The following NTM variants were observed in gnomAD, a reference collection of about 807,000 sequenced individuals.
NTM encodes IgLON family member 2.
A neutral mutation model predicts 42.1 loss-of-function variants in NTM; 13 were observed. That is an observed-to-expected ratio of 0.31 (90% confidence interval 0.20 to 0.49). The LOEUF is 0.49. Among genes scored for constraint, NTM ranks in the 20% least tolerant of loss-of-function variants. The probability of loss-of-function intolerance (pLI) is 0.99; values close to 1 mark genes in which losing one functional copy is unlikely to be tolerated. For synonymous variants in NTM, 187 were observed against 179.2 expected (o/e 1.04, Z -0.35); for missense variants, 373 against 452.8 (o/e 0.82, Z 1.60).
At chr11:131,660,189 G>GGACTCGC (rs1565387467) in intron 1 of NTM, 6 of 251,524 alleles carry the variant, frequency 2.4e-5, no homozygotes, top group African/African-American at 1.3e-4. Flanking sequence ...GTAGGACTCG[G>GGACTCGC]GTGGGCCAGT....
At chr11:131,547,734 A>C (rs1592011409) in intron 1 of NTM, among the ~76,000 whole-genome samples, 2 of 152,238 alleles carry the variant, frequency 1.3e-5, no homozygotes, top group South Asian at 2.1e-4. Context: ...TATACTATAC[A>C]CCCTCTCAAA....
At chr11:131,674,274 TA>T (rs1473511147) in intron 1 of NTM, among the ~76,000 whole-genome samples, 4 of 152,226 alleles carry the variant, frequency 2.6e-5, no homozygotes, top group Non-Finnish European at 5.9e-5. Context: ...ATGCAGTTCA[TA>T]AAAAGTCTTC....
intron 3 of NTM, among the ~76,000 whole-genome samples, chr11:132,155,426 A>G (rs185155371): frequency 1.3e-5 from 2 of 152,206 alleles, no homozygotes; most frequent in East Asian, 3.9e-4. Flanking sequence ...CTTTCTATGG[A>G]TGCAATCCTC....
intron 1 of NTM, among the ~76,000 whole-genome samples, chr11:131,513,112 C>G (rs530503956): frequency 6.6e-6 from 1 of 152,222 alleles, no homozygotes; most frequent in Admixed American, 6.5e-5. Flanking sequence ...CATGGCTCCC[C>G]GTCCCTGAGC....
rs151022889 is a variant in NTM at position 132,212,614 on chromosome 11, T to C, written c.526+467T>C. Among the ~76,000 whole-genome samples, 1,299 of 152,322 alleles carry C rather than the reference T, an allele frequency of 8.5e-3. 21 individuals are homozygous for C. Among genetic ancestry groups the C allele is most frequent in the African/African-American group, 0.03 (1,246 of 41,572 alleles). On this transcript the variant is annotated intron_variant, in intron 4 of 8. Coordinates refer to ENST00000683400, the MANE Select transcript of NTM (RefSeq NM_001352005.2). ...GTCACGAGCTGTTTTTGTGGTTTTGTTGTTGTTTTACTCCGATTGATCCTA... is the reference window on the plus strand; with the variant it reads ...GTCACGAGCTGTTTTTGTGGTTTTGCTGTTGTTTTACTCCGATTGATCCTA...
At chr11:131,443,481 A>T (rs966103601) in intron 1 of NTM, among the ~76,000 whole-genome samples, 29 of 152,176 alleles carry the variant, frequency 1.9e-4, no homozygotes, top group African/African-American at 6.8e-4. Context: ...CTGTCCTGCA[A>T]GTAGTGAGTA....
chr11:132,188,116 T>G (rs2078721275), intron 3 of NTM, among the ~76,000 whole-genome samples: 1 of 151,950 alleles, frequency 6.6e-6, no homozygotes, highest in Non-Finnish European at 1.5e-5. Context: ...GTGTGTGTGT[T>G]TGTGTGTCAG....
intron 4 of NTM, among the ~76,000 whole-genome samples, chr11:132,253,838 T>G (rs1418931969): frequency 1.3e-5 from 2 of 152,172 alleles, no homozygotes; most frequent in African/African-American, 4.8e-5. Flanking sequence ...TGCCCTCAGC[T>G]CGGCCCCTCT....
chr11:131,614,584 T>A (rs2061743606), intron 1 of NTM, among the ~76,000 whole-genome samples: 1 of 152,216 alleles, frequency 6.6e-6, no homozygotes, highest in African/African-American at 2.4e-5. Flanking sequence ...AGGCCAGAGC[T>A]AGTCTGCAGC....
chr11:132,099,288 A>G (rs2061373006), intron 2 of NTM, among the ~76,000 whole-genome samples: 1 of 152,204 alleles, frequency 6.6e-6, no homozygotes, highest in Non-Finnish European at 1.5e-5. Flanking sequence ...AGACTCATAC[A>G]TTATTCCATT....
intron 4 of NTM, among the ~76,000 whole-genome samples, chr11:132,297,799 C>T (rs59283151): frequency 0.019 from 2,865 of 152,210 alleles, 144 homozygotes; most frequent in East Asian, 0.15. Context: ...GGTACCAAGC[C>T]GTGTGTGTCC....
chr11:131,603,091 T>C (rs1241189803), intron 1 of NTM, among the ~76,000 whole-genome samples: 1 of 152,190 alleles, frequency 6.6e-6, no homozygotes, highest in East Asian at 1.9e-4. Context: ...ACTCCTTTGC[T>C]CGATCCTTTT....
intron 1 of NTM, among the ~76,000 whole-genome samples, chr11:131,734,894 C>T (rs1040676018): frequency 2.6e-5 from 4 of 152,088 alleles, no homozygotes; most frequent in African/African-American, 9.7e-5. Context: ...ATTAAAATAA[C>T]ACCAAGAACA....
At chr11:131,986,613 A>G (rs568286787) in intron 2 of NTM, among the ~76,000 whole-genome samples, 5 of 152,284 alleles carry the variant, frequency 3.3e-5, no homozygotes, top group African/African-American at 9.6e-5. Flanking sequence ...TTCTGTCCAG[A>G]ACTTTCTATC....
intron 2 of NTM, among the ~76,000 whole-genome samples, chr11:132,047,208 A>G: frequency 6.6e-6 from 1 of 152,378 alleles, no homozygotes; most frequent in East Asian, 1.9e-4. Flanking sequence ...AAGAATGAGC[A>G]GGATTCTGAC....
At chr11:132,271,686 A>T (rs2093485848) in intron 4 of NTM, among the ~76,000 whole-genome samples, 1 of 150,336 alleles carries the variant, frequency 6.7e-6, no homozygotes, top group African/African-American at 2.4e-5. Context: ...GGCCATTCAT[A>T]CATCTTTGGA....
At chr11:131,714,519 C>T (rs2077490159) in intron 1 of NTM, among the ~76,000 whole-genome samples, 2 of 152,112 alleles carry the variant, frequency 1.3e-5, no homozygotes, top group South Asian at 4.1e-4. Flanking sequence ...TGGGAGACTC[C>T]CATTCCCTGG....
intron 1 of NTM, among the ~76,000 whole-genome samples, chr11:131,878,920 CG>C (rs984835918): frequency 1.3e-5 from 2 of 151,938 alleles, no homozygotes; most frequent in Non-Finnish European, 2.9e-5. Flanking sequence ...TTCACCTCCC[CG>C]GAGTAACGGC....
At chr11:131,879,519 CA>C (rs1223886493) in intron 1 of NTM, among the ~76,000 whole-genome samples, 1 of 152,042 alleles carries the variant, frequency 6.6e-6, no homozygotes, top group Non-Finnish European at 1.5e-5. Flanking sequence ...TAGGTGAATT[CA>C]AGAATATAAA....
Sources: allele counts gnomAD v4.1 joint callset (sites outside exome capture counted in the v4.1 genomes callset), GRCh38; gene constraint gnomAD v4.1.1; transcripts MANE v1.5; gene names NCBI Gene and HGNC (gene_info 2026-07-23, HGNC 2026-07-21).